PCDHGB3: variants seen among roughly 807,000 people sequenced by gnomAD.
The protein encoded by PCDHGB3 is protocadherin gamma subfamily B, 3.
In PCDHGB3, 40 loss-of-function variants were observed where a neutral mutation model predicts 59.2. The observed-to-expected ratio is 0.68, with a 90% confidence interval of 0.52 to 0.88. PCDHGB3 has a LOEUF of 0.88. Among genes scored for constraint, PCDHGB3 ranks in the 40% least tolerant of loss-of-function variants. PCDHGB3 has a pLI of 0.00. For synonymous variants in PCDHGB3, 581 were observed against 503.6 expected (o/e 1.15, Z -2.06); for missense variants, 1,309 against 1,187.9 (o/e 1.10, Z -1.50).
At chr5:141,398,009 C>A (rs1589315775) in intron 1 of PCDHGB3, 6 of 1,400,558 alleles carry the variant, frequency 4.3e-6, no homozygotes, top group East Asian at 5.1e-5. Flanking sequence ...GAAAAAGAAT[C>A]GTTTCCTAAA....
At chr5:141,401,677 G>C (rs1017959276) in intron 1 of PCDHGB3, among the ~76,000 whole-genome samples, 2 of 152,184 alleles carry the variant, frequency 1.3e-5, no homozygotes, top group Non-Finnish European at 2.9e-5. Flanking sequence ...CATCCTTGTA[G>C]GATGGAAGGT....
At chr5:141,409,813 C>T in intron 1 of PCDHGB3, 2 of 1,611,170 alleles carry the variant, frequency 1.2e-6, no homozygotes, top group African/African-American at 1.3e-5. Flanking sequence ...CCCGCGACCA[C>T]GGCTCGCCCA....
intron 1 of PCDHGB3, among the ~76,000 whole-genome samples, chr5:141,458,065 G>A (rs55848374): frequency 0.098 from 14,910 of 152,232 alleles, 965 homozygotes; most frequent in Non-Finnish European, 0.14. Flanking sequence ...GCACTGATGC[G>A]AACAACTATA....
In PCDHGB3 at chr5:141,371,942, G is replaced by A; in HGVS notation, c.1548G>A (p.Ala516=). Residue 516 remains alanine, a synonymous_variant, in exon 1 of 4, where the codon GCG becomes GCA. Coordinates refer to ENST00000576222, the MANE Select transcript of PCDHGB3 (RefSeq NM_018924.5). Reference sequence around the variant, plus strand: ...GCGCGCGGAGCGGGGTGGTGTTCGCGCAGCGAGCCTTCGACCACGAGCAGC... The same window carrying A: ...GCGCGCGGAGCGGGGTGGTGTTCGCACAGCGAGCCTTCGACCACGAGCAGC... ...SVSARSGVVF[A]QRAFDHEQLR... The A allele has an allele frequency of 3.1e-6, 5 of 1,613,292 alleles. No homozygotes were observed. The highest frequency in any genetic ancestry group is 2.2e-5 in the South Asian group (2 of 91,076).
At position 141,491,265 on chromosome 5, in the gene PCDHGB3, C is replaced by G. The variant is rs868682993; in HGVS notation, c.2416-3542C>G. ...AGGATGAGGACCCTGAGGAAATGCCCAAATCCAGTGACTTCCTCATACACC... is the reference window on the plus strand; with the variant it reads ...AGGATGAGGACCCTGAGGAAATGCCGAAATCCAGTGACTTCCTCATACACC... On this transcript the variant is annotated intron_variant, in intron 1 of 3. Transcript: ENST00000576222. The surrounding 1 kb of genome is among the most constrained non-coding windows in gnomAD (Gnocchi z 6.9). The G allele has an allele frequency of 6.2e-7, 1 of 1,614,074 alleles. No individual in the cohort carries two copies. The highest frequency in any genetic ancestry group is 8.5e-7 in the Non-Finnish European group (1 of 1,179,916).
At chr5:141,384,819 G>C (rs1251597245) in intron 1 of PCDHGB3, 2 of 1,613,524 alleles carry the variant, frequency 1.2e-6, no homozygotes, top group African/African-American at 1.3e-5. Flanking sequence ...CCCTCAAGCA[G>C]AGCCTCGTGG....
intron 1 of PCDHGB3, 47 bp downstream of exon 1, chr5:141,372,856 A>T (rs1769134013): frequency 6.9e-7 from 1 of 1,445,570 alleles, no homozygotes; most frequent in Admixed American, 2.4e-5. Flanking sequence ...TTGGGTTTCA[A>T]TTCATTGATT....
intron 1 of PCDHGB3, chr5:141,393,020 A>G: frequency 2.5e-6 from 4 of 1,613,760 alleles, no homozygotes; most frequent in Non-Finnish European, 3.4e-6. Flanking sequence ...TCGTCTCCAG[A>G]GGTAGGACGC....
intron 1 of PCDHGB3, chr5:141,409,079 T>C (rs2095221320): frequency 2.5e-6 from 4 of 1,613,908 alleles, no homozygotes; most frequent in Non-Finnish European, 3.4e-6. Context: ...ACATATGTTC[T>C]CATTGGATGA....
intron 1 of PCDHGB3, chr5:141,478,463 G>A: frequency 6.2e-7 from 1 of 1,613,424 alleles, no homozygotes; most frequent in South Asian, 1.1e-5. Context: ...CAGTCCACTG[G>A]CCAGCCGCCA....
chr5:141,449,681 G>A (rs2098651836), intron 1 of PCDHGB3, among the ~76,000 whole-genome samples: 1 of 149,394 alleles, frequency 6.7e-6, no homozygotes, highest in Non-Finnish European at 1.5e-5. Context: ...ATGTATATAT[G>A]TTTGTGTGTA....
In PCDHGB3 at chr5:141,488,647, T is replaced by TG. The variant is rs535492979; in HGVS notation, c.2416-6155dup. ...CTCACCTTAGCAGCATTCAGCAGGA[T>TG]GGGGGAGGGTGGGGGAATACATGGG... On this transcript the variant is annotated intron_variant, in intron 1 of 3. Transcript: ENST00000576222. Among the ~76,000 whole-genome samples, 173 of 152,088 alleles carry TG rather than the reference T, an allele frequency of 1.1e-3. 1 individual carries two copies. Among genetic ancestry groups the TG allele is most frequent in the African/African-American group, 3.9e-3 (160 of 41,492 alleles).
At chr5:141,465,792 T>A (rs1262092940) in intron 1 of PCDHGB3, among the ~76,000 whole-genome samples, 2 of 152,018 alleles carry the variant, frequency 1.3e-5, no homozygotes, top group Non-Finnish European at 2.9e-5. Flanking sequence ...TTTTTTTTTT[T>A]AAGAAACCCT....
intron 1 of PCDHGB3, among the ~76,000 whole-genome samples, chr5:141,475,035 G>T (rs983190948): frequency 2.0e-5 from 3 of 152,132 alleles, no homozygotes. Context: ...GTGACTAAAG[G>T]CTTTGTATTT....
chr5:141,481,021 GC>G (rs2099529893), intron 1 of PCDHGB3, among the ~76,000 whole-genome samples: 1 of 152,076 alleles, frequency 6.6e-6, no homozygotes, highest in Non-Finnish European at 1.5e-5. Context: ...TCACACCACT[GC>G]ACTCCAGCCT....
At chr5:141,475,996 G>T (rs2099383729) in intron 1 of PCDHGB3, 4 of 1,181,402 alleles carry the variant, frequency 3.4e-6, no homozygotes, top group Non-Finnish European at 3.5e-6. Flanking sequence ...GCAAATCAAC[G>T]GCATCCAGAA....
intron 1 of PCDHGB3, among the ~76,000 whole-genome samples, chr5:141,452,284 C>G (rs1182155879): frequency 6.6e-6 from 1 of 152,112 alleles, no homozygotes; most frequent in Non-Finnish European, 1.5e-5. Context: ...TTCTTACTTT[C>G]TGATATAAGA....
chr5:141,511,823 GC>G lies in PCDHGB3; in HGVS notation c.*653del, dbSNP rs2099883963. On this transcript the variant is annotated 3_prime_UTR_variant, in exon 4 of 4. Coordinates refer to ENST00000576222, the MANE Select transcript of PCDHGB3 (RefSeq NM_018924.5). The stretch of plus-strand genomic sequence containing the variant: ...TTTTGCTACCAAGCCTCTTCCCAAC[GC>G]CCTGGGGACCAGTCTTCTGTTTTGT... The G allele has an allele frequency of 6.4e-6, 1 of 156,728 alleles. No individual in the cohort carries two copies. The highest frequency in any genetic ancestry group is 1.9e-4 in the South Asian group (1 of 5,164). 9.7% of individuals were successfully genotyped at this position (156,728 alleles called of 1,614,324 possible).
intron 1 of PCDHGB3, among the ~76,000 whole-genome samples, chr5:141,449,561 C>T (rs777459619): frequency 2.7e-4 from 39 of 147,008 alleles, no homozygotes; most frequent in Non-Finnish European, 4.6e-4. Flanking sequence ...TGCACTCCAG[C>T]CTGGGCGACA....
Sources: allele counts gnomAD v4.1 joint callset (sites outside exome capture counted in the v4.1 genomes callset), GRCh38; gene constraint gnomAD v4.1.1; non-coding constraint Gnocchi (gnomAD v3.1); transcripts MANE v1.5; gene names NCBI Gene and HGNC (gene_info 2026-07-23, HGNC 2026-07-21).